Variants in HACD2 observed in about 807,000 individuals in gnomAD.
HACD2 encodes the protein very-long-chain (3R)-3-hydroxyacyl-CoA dehydratase 2.
In HACD2, 15 loss-of-function variants were observed where a neutral mutation model predicts 31.0. The ratio of observed to expected loss-of-function variants is 0.48; its 90% CI spans 0.32 to 0.75. The LOEUF (loss-of-function observed/expected upper bound fraction) is 0.75. Among genes scored for constraint, HACD2 ranks in the 30% least tolerant of loss-of-function variants. HACD2 has a pLI of 0.03. For missense variants in HACD2, 283 were observed against 313.0 expected, an observed-to-expected ratio of 0.90 and a Z score of 0.72; for synonymous variants, 115 against 122.2, an observed-to-expected ratio of 0.94 and a Z score of 0.39.
At chr3:123,575,291 A>AT (rs1256752494) in intron 2 of HACD2, among the ~76,000 whole-genome samples, 1 of 152,010 alleles carries the variant, frequency 6.6e-6, no homozygotes, top group Non-Finnish European at 1.5e-5. Context: ...AATTTTTAAA[A>AT]TTTTTTGCAG....
intron 3 of HACD2, among the ~76,000 whole-genome samples, chr3:123,564,091 TC>T (rs2056766416): frequency 2.0e-5 from 3 of 152,192 alleles, no homozygotes; most frequent in Admixed American, 2.0e-4. Context: ...CGACAAGGTC[TC>T]GTCTGGGATG....
intron 3 of HACD2, among the ~76,000 whole-genome samples, chr3:123,548,024 C>T (rs1206772525): frequency 6.6e-6 from 1 of 152,000 alleles, no homozygotes; most frequent in African/African-American, 2.4e-5. Context: ...ATGCTCTTAA[C>T]TACTAAGCTG....
chr3:123,583,256 A>AT (rs2056984935), intron 1 of HACD2, among the ~76,000 whole-genome samples: 2 of 152,152 alleles, frequency 1.3e-5, no homozygotes, highest in South Asian at 4.1e-4. Flanking sequence ...CTGGTTTAAG[A>AT]TACCACTCCT....
chr3:123,496,208 G>A (rs2055830683), intron 6 of HACD2, among the ~76,000 whole-genome samples: 1 of 152,090 alleles, frequency 6.6e-6, no homozygotes, highest in South Asian at 2.1e-4. Context: ...ATTTTTTGTA[G>A]AGATGAGATC....
At chr3:123,546,296 C>A (rs1268595994) in intron 3 of HACD2, among the ~76,000 whole-genome samples, 1 of 152,188 alleles carries the variant, frequency 6.6e-6, no homozygotes, top group Non-Finnish European at 1.5e-5. Context: ...GCTCTATCGG[C>A]TCAGGACTTG....
At chr3:123,551,146 C>T (rs2056615577) in intron 3 of HACD2, among the ~76,000 whole-genome samples, 2 of 152,116 alleles carry the variant, frequency 1.3e-5, no homozygotes, top group South Asian at 4.1e-4. Context: ...AGCCCTGTGG[C>T]CTTCCTTCTG....
chr3:123,572,536 A>C (rs2107753792), intron 2 of HACD2, among the ~76,000 whole-genome samples: 1 of 152,260 alleles, frequency 6.6e-6, no homozygotes, highest in South Asian at 2.1e-4. Context: ...TATGAACCAT[A>C]AACTCCTCTC....
At position 123,500,527 on chromosome 3, in the gene HACD2, A is replaced by G; in HGVS notation, c.670T>C (p.Ser224Pro). ...ACTGTTTACTTACTTGGAATGTAGG[A>G]GATCATTATTAGAATCAGGAATGCA... ...YYAFLILIMISYIPIFPQLYF... is the reference protein window; with the variant it reads ...YYAFLILIMIPYIPIFPQLYF... Residue 224 changes from serine to proline, a missense_variant, in exon 6 of 7, where the codon TCC (serine) becomes CCC (proline). By Grantham distance (74) the Ser-to-Pro change is moderately conservative (BLOSUM62 -1). Transcript: ENST00000383657. 6.2e-7 allele frequency: 1 copy of G among 1,602,510 alleles called. No homozygotes were observed. The highest frequency in any genetic ancestry group is 8.5e-7 in the Non-Finnish European group (1 of 1,171,918).
At chr3:123,567,708 T>C in intron 3 of HACD2, 54 bp downstream of exon 3, 1 of 1,157,464 alleles carries the variant, frequency 8.6e-7, no homozygotes, top group Non-Finnish European at 1.2e-6. Flanking sequence ...CATCTATGAC[T>C]TTTTAAATAA....
rs139889253 is a variant in HACD2 at position 123,581,010 on chromosome 3, C to T, written c.273+1202G>A. 8.5e-3 allele frequency among the ~76,000 whole-genome samples: 1,286 copies of T among 151,994 alleles called. 4 individuals are homozygous for T. The highest frequency in any genetic ancestry group is 0.013 in the Non-Finnish European group (883 of 67,956). On this transcript the variant is annotated intron_variant, in intron 2 of 6. Coordinates refer to ENST00000383657, the MANE Select transcript of HACD2 (RefSeq NM_198402.5). ...CTAATTTTTGTATTTTTAGTAGAGA[C>T]GGGGTTTCACTGTGTTAGCCAGGAC...
At chr3:123,561,566 A>G (rs2056729185) in intron 3 of HACD2, among the ~76,000 whole-genome samples, 1 of 152,160 alleles carries the variant, frequency 6.6e-6, no homozygotes, top group Non-Finnish European at 1.5e-5. Context: ...TCTTACCAAG[A>G]GTATCTTCAG....
chr3:123,573,759 T>G (rs773935245), intron 2 of HACD2, among the ~76,000 whole-genome samples: 1 of 152,196 alleles, frequency 6.6e-6, no homozygotes, highest in African/African-American at 2.4e-5. Flanking sequence ...ACTCCAAACA[T>G]GTTTTCAAAA....
Position 123,494,756 on chromosome 3 carries a change from T to G in HACD2, c.*132A>C. On this transcript the variant is annotated 3_prime_UTR_variant, in exon 7 of 7. Coordinates refer to ENST00000383657, the MANE Select transcript of HACD2 (RefSeq NM_198402.5). ...GGCCCATGTGACACTGGATTTTTGT[T>G]TTAGTTTTGTTTGAATATTTTAAAA... 1 of 702,688 alleles carries G rather than the reference T, an allele frequency of 1.4e-6. No homozygotes were observed. The highest frequency in any genetic ancestry group is 2.4e-6 in the Non-Finnish European group (1 of 409,024). 43.5% of individuals were successfully genotyped at this position (702,688 alleles called of 1,614,324 possible).
At position 123,519,890 on chromosome 3, in the gene HACD2, T is replaced by C. The variant is rs116653649; in HGVS notation, c.381+8496A>G. 9.0e-3 allele frequency among the ~76,000 whole-genome samples: 1,364 copies of C among 152,368 alleles called. 10 individuals carry two copies. The highest frequency in any genetic ancestry group is 0.02 in the Middle Eastern group (6 of 294). ...TTGGCTTTGCTGACACAGTTTAACA[T>C]GCTCACGATGCATACCAATCACCTC... is the stretch of plus-strand genomic sequence containing the variant. On this transcript the variant is annotated intron_variant, in intron 4 of 6. Coordinates refer to ENST00000383657, the MANE Select transcript of HACD2 (RefSeq NM_198402.5).
chr3:123,537,329 A>G (rs9871475), intron 3 of HACD2, among the ~76,000 whole-genome samples: 4,557 of 152,308 alleles, frequency 0.03, 76 homozygotes, highest in Middle Eastern at 0.088. Flanking sequence ...ATCTTTGGGA[A>G]GCCAAGGTGA....
chr3:123,518,905 G>A (rs187063533), intron 4 of HACD2, among the ~76,000 whole-genome samples: 122 of 151,496 alleles, frequency 8.1e-4, no homozygotes, highest in Non-Finnish European at 2.1e-4. Context: ...GCTGAGGCAG[G>A]AGAATCGCTT....
intron 3 of HACD2, among the ~76,000 whole-genome samples, chr3:123,553,792 G>A (rs1270402447): frequency 2.6e-5 from 4 of 152,008 alleles, no homozygotes; most frequent in Admixed American, 1.3e-4. Flanking sequence ...TTTCCCATGA[G>A]TAATATGGCA....
At chr3:123,545,142 T>C in intron 3 of HACD2, among the ~76,000 whole-genome samples, 1 of 150,634 alleles carries the variant, frequency 6.6e-6, no homozygotes, top group Non-Finnish European at 1.5e-5. Flanking sequence ...ACTAGCTGTT[T>C]TTTTTTTTTT....
intron 3 of HACD2, among the ~76,000 whole-genome samples, chr3:123,557,782 A>C (rs2056688045): frequency 6.6e-6 from 1 of 152,234 alleles, no homozygotes; most frequent in Admixed American, 6.5e-5. Context: ...GACAATACCA[A>C]ACGCAGCAGA....
Sources: allele counts gnomAD v4.1 joint callset (sites outside exome capture counted in the v4.1 genomes callset), GRCh38; gene constraint gnomAD v4.1.1; transcripts MANE v1.5; gene names NCBI Gene and HGNC (gene_info 2026-07-23, HGNC 2026-07-21).